BANK1: variants seen among roughly 807,000 people sequenced by gnomAD.
BANK1 encodes B cell scaffold protein with ankyrin repeats 1, also known as B-cell scaffold protein with ankyrin repeats.
Under a neutral mutation model 94.5 loss-of-function variants are expected in BANK1, and 95 were observed. The observed-to-expected ratio is 1.00, with a 90% CI of 0.85 to 1.19. BANK1 has a LOEUF of 1.19. Ranked by LOEUF, BANK1 falls within the 50% of genes most tolerant of loss-of-function variation. The pLI is 0.00. For synonymous variants in BANK1, 334 were observed against 308.4 expected, an observed-to-expected ratio of 1.08 and a Z score of -0.87; for missense variants, 987 against 932.2, an observed-to-expected ratio of 1.06 and a Z score of -0.77.
At chr4:101,960,849 C>T (rs1271996578) in intron 7 of BANK1, among the ~76,000 whole-genome samples, 3 of 152,054 alleles carry the variant, frequency 2.0e-5, no homozygotes, top group Admixed American at 1.3e-4. Context: ...TTTTTAGCTC[C>T]GCCTCTTCTA....
At chr4:101,998,435 G>A (rs1007353176) in intron 7 of BANK1, among the ~76,000 whole-genome samples, 2 of 152,158 alleles carry the variant, frequency 1.3e-5, no homozygotes, top group African/African-American at 4.8e-5. Context: ...TATTAGGTCC[G>A]TTTGGTCCAG....
chr4:102,021,598 T>G lies in BANK1; in HGVS notation c.1285+6T>G. 5.7e-6 allele frequency: 7 copies of G among 1,231,762 alleles called. No individual in the cohort carries two copies. The highest frequency in any genetic ancestry group is 7.8e-6 in the Non-Finnish European group (7 of 894,568). 76.3% of individuals were successfully genotyped at this position (1,231,762 alleles called of 1,614,324 possible). On this transcript the variant is annotated splice_donor_region_variant and intron_variant, in intron 8 of 16. Coordinates refer to ENST00000322953, the MANE Select transcript of BANK1 (RefSeq NM_017935.5). ...ATTTTCCACATATATTCCTTGTAAG[T>G]TTTTCCATGTTATATATATATATGA...
chr4:101,851,405 GTATT>G (rs1048533000), intron 2 of BANK1, among the ~76,000 whole-genome samples: 1 of 152,144 alleles, frequency 6.6e-6, no homozygotes, highest in Non-Finnish European at 1.5e-5. Flanking sequence ...CAGGCAACAA[GTATT>G]TATTAAGCCT....
intron 4 of BANK1, 43 bp from the exon 5 acceptor site, chr4:101,870,462 G>A: frequency 1.9e-6 from 3 of 1,545,910 alleles, no homozygotes; most frequent in Non-Finnish European, 2.6e-6. Context: ...GTATGAATAT[G>A]CATTATATAC....
intron 1 of BANK1, among the ~76,000 whole-genome samples, chr4:101,823,871 G>T (rs1213185432): frequency 6.6e-6 from 1 of 152,164 alleles, no homozygotes; most frequent in Non-Finnish European, 1.5e-5. Context: ...TTGAAAGAAA[G>T]AACTAAGTTA....
chr4:102,062,923 G>C lies in BANK1; in HGVS notation c.2149-152G>C, dbSNP rs901577037. The C allele has an allele frequency of 5.0e-6, 3 of 598,614 alleles. No homozygotes were observed. The South Asian group carries it at 6.6e-5, about 13-fold the overall frequency. 37.1% of individuals were successfully genotyped at this position (598,614 alleles called of 1,614,324 possible). A position where few individuals can be genotyped will look rare whatever the true frequency, so the allele number is the denominator to read the frequency against. The stretch of plus-strand genomic sequence containing the variant: ...AGCTGTGAGAATTAAGTAAGATAAC[G>C]TGGAAAGTATCAAGGATGGCAATTG... On this transcript the variant is annotated intron_variant, in intron 12 of 16. Transcript: ENST00000322953.
chr4:102,062,162 A>G (rs1350129603), intron 12 of BANK1: 1 of 152,232 alleles, frequency 6.6e-6, no homozygotes, highest in African/African-American at 2.4e-5. Context: ...AAGTCATATT[A>G]TTATTGATGA....
intron 1 of BANK1, among the ~76,000 whole-genome samples, chr4:101,823,224 C>T (rs1392810427): frequency 6.6e-6 from 1 of 152,160 alleles, no homozygotes; most frequent in Non-Finnish European, 1.5e-5. Flanking sequence ...GCAAGATGTT[C>T]TCAACCATGA....
intron 7 of BANK1, among the ~76,000 whole-genome samples, chr4:101,962,417 A>G (rs1347875639): frequency 1.3e-5 from 2 of 152,122 alleles, no homozygotes; most frequent in Non-Finnish European, 2.9e-5. Context: ...AAGCTCTTCC[A>G]CTGTGATCAA....
rs542509436 is a variant in BANK1 at position 102,016,187 on chromosome 4, C to T, written c.1207-5327C>T. Among the ~76,000 whole-genome samples the T allele has an allele frequency of 5.3e-5, 8 of 152,252 alleles. No homozygotes were observed. The East Asian group carries it at 1.5e-3, about 29-fold the overall frequency. On this transcript the variant is annotated intron_variant, in intron 7 of 16. Transcript: ENST00000322953. ...CCCACCCACTCAGTGGAAATGATTGCATGTTTCTATCTTATAGTATTTTGC... is the reference window on the plus strand; with the variant it reads ...CCCACCCACTCAGTGGAAATGATTGTATGTTTCTATCTTATAGTATTTTGC...
intron 3 of BANK1, among the ~76,000 whole-genome samples, chr4:101,860,547 C>T (rs924168250): frequency 1.3e-5 from 2 of 152,088 alleles, no homozygotes; most frequent in Admixed American, 1.3e-4. Flanking sequence ...TTTCTTGCCT[C>T]AGCCTCCTGA....
intron 7 of BANK1, among the ~76,000 whole-genome samples, chr4:102,013,631 T>C (rs1726591528): frequency 6.6e-6 from 1 of 151,962 alleles, no homozygotes; most frequent in Non-Finnish European, 1.5e-5. Context: ...CTGTCAGGTG[T>C]GATTTCTCGC....
At chr4:102,036,018 G>T (rs752468095) in intron 10 of BANK1, among the ~76,000 whole-genome samples, 8 of 152,188 alleles carry the variant, frequency 5.3e-5, no homozygotes, top group Non-Finnish European at 1.0e-4. Flanking sequence ...ATCATGCAAA[G>T]AGATGAATGC....
intron 7 of BANK1, among the ~76,000 whole-genome samples, chr4:101,958,294 A>T (rs1724435921): frequency 6.6e-6 from 1 of 152,122 alleles, no homozygotes; most frequent in Admixed American, 6.5e-5. Context: ...TTTTATAGAT[A>T]TTTTTTTAAA....
intron 12 of BANK1, among the ~76,000 whole-genome samples, chr4:102,061,083 T>G (rs558530947): frequency 6.6e-6 from 1 of 152,330 alleles, no homozygotes; most frequent in Non-Finnish European, 1.5e-5. Flanking sequence ...AGAAATCCCA[T>G]TGCTTCAGAA....
chr4:101,857,523 C>G (rs937600452), intron 3 of BANK1, among the ~76,000 whole-genome samples: 2 of 152,158 alleles, frequency 1.3e-5, no homozygotes, highest in African/African-American at 4.8e-5. Flanking sequence ...TAACTTTAGT[C>G]TATCGTTAAT....
intron 5 of BANK1, among the ~76,000 whole-genome samples, chr4:101,871,584 A>G (rs946273351): frequency 3.3e-5 from 5 of 152,130 alleles, no homozygotes; most frequent in African/African-American, 1.2e-4. Flanking sequence ...GAAAAGGTAA[A>G]CATTAAGACA....
chr4:101,986,839 A>G (rs1215621754), intron 7 of BANK1, among the ~76,000 whole-genome samples: 11 of 68,020 alleles, frequency 1.6e-4, no homozygotes, highest in African/African-American at 5.2e-4. Context: ...ATATGTATAT[A>G]TATGTGTATA....
intron 6 of BANK1, among the ~76,000 whole-genome samples, chr4:101,912,197 G>C (rs969209409): frequency 6.6e-6 from 1 of 152,046 alleles, no homozygotes; most frequent in African/African-American, 2.4e-5. Context: ...TGAAATTCTA[G>C]AGAGGTTCAG....
Sources: gnomAD v4.1 joint callset for allele counts (sites outside exome capture counted in the v4.1 genomes callset) on GRCh38, gnomAD v4.1.1 for gene constraint, MANE v1.5 for transcripts, NCBI Gene and HGNC (gene_info 2026-07-23, HGNC 2026-07-21) for gene names.